Variants in BACH1 observed in about 807,000 individuals in gnomAD.
BACH1 encodes the protein BTB domain and CNC homolog 1.
A neutral mutation model predicts 52.9 loss-of-function variants in BACH1; 35 were observed. The ratio of observed to expected loss-of-function variants is 0.66; its 90% CI spans 0.51 to 0.88. The LOEUF is 0.88. BACH1 is among the 40% of genes least tolerant of loss of function. BACH1 has a pLI of 0.00. For missense variants in BACH1, 808 were observed against 872.6 expected, an observed-to-expected ratio of 0.93 and a Z score of 0.93; for synonymous variants, 321 against 319.6, an observed-to-expected ratio of 1.00 and a Z score of -0.05.
At chr21:29,315,608 C>A (rs1438045520) in intron 1 of BACH1, among the ~76,000 whole-genome samples, 1 of 152,158 alleles carries the variant, frequency 6.6e-6, no homozygotes, top group Admixed American at 6.5e-5. Flanking sequence ...GTCCACTGGC[C>A]ACCACTTGTG....
At chr21:29,325,954 T>C in intron 2 of BACH1, 105 bp from the exon 3 acceptor site, 1 of 1,130,774 alleles carries the variant, frequency 8.8e-7, no homozygotes, top group Non-Finnish European at 1.2e-6. Context: ...TTTATAATTA[T>C]CACAAATAAG....
intron 1 of BACH1, among the ~76,000 whole-genome samples, chr21:29,318,675 A>T (rs2088815118): frequency 6.6e-6 from 1 of 152,214 alleles, no homozygotes; most frequent in African/African-American, 2.4e-5. Flanking sequence ...TGGTGGCAGG[A>T]TGAGAAGCGG....
intron 1 of BACH1, chr21:29,305,280 T>G (rs2088643723): frequency 6.6e-6 from 1 of 152,160 alleles, no homozygotes; most frequent in Non-Finnish European, 1.5e-5. Context: ...GTTTCAGTTG[T>G]CATCCAGAGA....
At chr21:29,337,656 A>C (rs1369710667) in intron 4 of BACH1, among the ~76,000 whole-genome samples, 1 of 152,190 alleles carries the variant, frequency 6.6e-6, no homozygotes, top group African/African-American at 2.4e-5. Flanking sequence ...AAATGAGAAC[A>C]CTTGGACACA....
At chr21:29,349,357 A>C (rs1392550631), downstream of BACH1, among the ~76,000 whole-genome samples, 1 of 152,114 alleles carries the variant, frequency 6.6e-6, no homozygotes, top group Non-Finnish European at 1.5e-5. Context: ...TTTCCCAGCT[A>C]CACCTAAAAG....
downstream of BACH1, among the ~76,000 whole-genome samples, chr21:29,346,759 C>T (rs1051634658): frequency 5.9e-5 from 9 of 152,148 alleles, no homozygotes; most frequent in African/African-American, 2.2e-4. Flanking sequence ...AGAAAGTGCT[C>T]AGTTGTGTGA....
intron 1 of BACH1, among the ~76,000 whole-genome samples, chr21:29,301,885 A>G (rs1569004763): frequency 1.3e-5 from 2 of 152,086 alleles, no homozygotes; most frequent in Non-Finnish European, 2.9e-5. Context: ...TCAACCTCCT[A>G]CTAGTGCTGG....
At chr21:29,300,709 A>C (rs1391880019) in intron 1 of BACH1, 1 of 152,202 alleles carries the variant, frequency 6.6e-6, no homozygotes, top group East Asian at 1.9e-4. Context: ...TATAAGTTTC[A>C]AGCAGTGAGC....
intron 1 of BACH1, chr21:29,299,607 G>A (rs2088580870): frequency 6.6e-6 from 1 of 152,252 alleles, no homozygotes; most frequent in South Asian, 2.1e-4. Flanking sequence ...TGGTGAGAGT[G>A]GGCGTTGATT....
At position 29,337,166 on chromosome 21, in the gene BACH1, C is replaced by G. The variant is rs200155744; in HGVS notation, c.1777-5233C>G. 7.7e-4 allele frequency among the ~76,000 whole-genome samples: 118 copies of G among 152,326 alleles called. 1 individual carries two copies. The highest frequency in any genetic ancestry group is 2.7e-3 in the African/African-American group (113 of 41,574). On this transcript the variant is annotated intron_variant, in intron 4 of 4. Coordinates refer to ENST00000286800, the MANE Select transcript of BACH1 (RefSeq NM_001186.4). ...TGTTGACATAACCATCTAGCACTTG[C>G]CATGGTCTCACTTTTTAACCTCTAT...
chr21:29,348,519 C>T (rs1224167901), downstream of BACH1, among the ~76,000 whole-genome samples: 2 of 152,058 alleles, frequency 1.3e-5, no homozygotes, highest in Non-Finnish European at 2.9e-5. Flanking sequence ...TGTTCTGTAA[C>T]TCACAACTCG....
At chr21:29,311,310 T>C (rs761659801) in intron 1 of BACH1, among the ~76,000 whole-genome samples, 39 of 152,236 alleles carry the variant, frequency 2.6e-4, no homozygotes, top group Non-Finnish European at 4.7e-4. Context: ...ATATTAATAC[T>C]TGCAACCAAG....
At chr21:29,312,774 GAAGA>G (rs1239948776) in intron 1 of BACH1, among the ~76,000 whole-genome samples, 4 of 152,148 alleles carry the variant, frequency 2.6e-5, no homozygotes, top group Non-Finnish European at 4.4e-5. Flanking sequence ...CTAAGTAAAT[GAAGA>G]GAGATGCCAT....
At chr21:29,311,450 A>G (rs960086670) in intron 1 of BACH1, among the ~76,000 whole-genome samples, 1 of 151,510 alleles carries the variant, frequency 6.6e-6, no homozygotes, top group Non-Finnish European at 1.5e-5. Context: ...AAGTACAGAG[A>G]ACAACCTTAT....
chr21:29,355,052 G>C (rs181162144), intron 2 of BACH1, among the ~76,000 whole-genome samples: 7 of 152,222 alleles, frequency 4.6e-5, no homozygotes, highest in Admixed American at 1.3e-4. Flanking sequence ...CCACAGCATG[G>C]AAGGGGACCG....
chr21:29,341,148 T>G (rs745813812), intron 4 of BACH1, among the ~76,000 whole-genome samples: 6 of 152,232 alleles, frequency 3.9e-5, no homozygotes, highest in Non-Finnish European at 8.8e-5. Flanking sequence ...GTAATACTTT[T>G]GTATAAAACC....
Position 29,321,396 on chromosome 21 carries a change from T to C in BACH1, c.116T>C (p.Phe39Ser), listed in dbSNP as rs763369111. 17 of 1,614,142 alleles carry C rather than the reference T, an allele frequency of 1.1e-5. 1 individual carries two copies. In the South Asian group the frequency reaches 1.9e-4, roughly 18 times the overall value. The change falls in exon 2 of 5, where the codon TTT becomes TCT. Residue 39 changes from phenylalanine (F) to serine (S), a missense_variant. Coordinates refer to ENST00000286800, the MANE Select transcript of BACH1 (RefSeq NM_001186.4). The part of the protein sequence containing the change: ...KKDVLCDVTI[F>S]VEGQRFRAHR... ...GATGTGCTGTGCGATGTCACCATCT[T>C]TGTGGAGGGACAGCGGTTCCGCGCT...
In BACH1 at chr21:29,327,365, C is replaced by T; in HGVS notation, c.1541C>T (p.Ser514Phe). The T allele has an allele frequency of 6.2e-7, 1 of 1,613,620 alleles. No homozygotes were observed. Among genetic ancestry groups the T allele is most frequent in the Non-Finnish European group, 8.5e-7 (1 of 1,179,722 alleles). The change falls in exon 3 of 5, where the codon TCC becomes TTC. Residue 514 changes from serine to phenylalanine, a missense_variant. Transcript: ENST00000286800. Reference protein sequence around the residue: ...SETDTEGDSESCSAREQECEV... With the variant: ...SETDTEGDSEFCSAREQECEV... Reference sequence around the variant, plus strand: ...ACGGACACCGAAGGAGACAGTGAATCCTGTTCAGCCAGAGAACAAGAATGT... The same window carrying T: ...ACGGACACCGAAGGAGACAGTGAATTCTGTTCAGCCAGAGAACAAGAATGT...
intron 1 of BACH1, among the ~76,000 whole-genome samples, chr21:29,317,126 G>T (rs2088796679): frequency 6.6e-6 from 1 of 152,326 alleles, no homozygotes; most frequent in East Asian, 1.9e-4. Flanking sequence ...GCATGCAAGG[G>T]ATATAGGTTG....
Sources: allele counts gnomAD v4.1 joint callset (sites outside exome capture counted in the v4.1 genomes callset), GRCh38; gene constraint gnomAD v4.1.1; transcripts MANE v1.5; gene names NCBI Gene and HGNC (gene_info 2026-07-23, HGNC 2026-07-21).